The following SCAF8 variants were observed in gnomAD, a reference collection of about 807,000 sequenced individuals.
SCAF8 encodes the protein SR-related CTD associated factor 8, also known as SR-related and CTD-associated factor 8.
A neutral mutation model predicts 140.5 loss-of-function variants in SCAF8; 23 were observed. That is an observed-to-expected ratio of 0.16 (90% CI 0.12 to 0.23). The LOEUF (loss-of-function observed/expected upper bound fraction) is 0.23. Ranked by LOEUF, SCAF8 falls within the 10% of genes least tolerant of loss-of-function variation. The pLI, the probability that SCAF8 is intolerant of heterozygous loss-of-function variation, is 1.00. For missense variants in SCAF8, 1,397 were observed against 1,555.7 expected (o/e 0.90, Z 1.72); for synonymous variants, 575 against 528.9 (o/e 1.09, Z -1.20).
chr6:154,792,174 A>G (rs148800606), intron 4 of SCAF8, among the ~76,000 whole-genome samples: 81 of 152,272 alleles, frequency 5.3e-4, no homozygotes, highest in African/African-American at 1.9e-3. Flanking sequence ...TAAAGAATAA[A>G]GAAGAGGGAA....
At chr6:154,772,617 A>T (rs1426780876) in intron 1 of SCAF8, among the ~76,000 whole-genome samples, 1 of 152,086 alleles carries the variant, frequency 6.6e-6, no homozygotes, top group African/African-American at 2.4e-5. Flanking sequence ...TGAACCCAGG[A>T]GGTAGAGGCT....
intron 4 of SCAF8, among the ~76,000 whole-genome samples, chr6:154,791,593 T>G (rs1457776186): frequency 6.6e-6 from 1 of 152,092 alleles, no homozygotes; most frequent in Non-Finnish European, 1.5e-5. Context: ...CGAGAATCCT[T>G]CTGGTATACT....
rs1231526983 is a variant in SCAF8 at position 154,733,824 on chromosome 6, C to G, written c.-77C>G. The G allele has an allele frequency of 6.7e-7, 1 of 1,495,826 alleles. No individual in the cohort carries two copies. Among genetic ancestry groups the G allele is most frequent in the Non-Finnish European group, 8.9e-7 (1 of 1,127,150 alleles). 92.7% of individuals were successfully genotyped at this position (1,495,826 alleles called of 1,614,324 possible). A position where few individuals can be genotyped will look rare whatever the true frequency, so the allele number is the denominator to read the frequency against. Reference sequence around the variant, plus strand: ...CCCTCCTCGCGGCCACGCAGCAGCCCGCGTCTCGCTCTCCCCACCCAGTGC... The same window carrying G: ...CCCTCCTCGCGGCCACGCAGCAGCCGGCGTCTCGCTCTCCCCACCCAGTGC... On this transcript the variant is annotated 5_prime_UTR_variant, in exon 1 of 20. Coordinates refer to ENST00000367178, the MANE Select transcript of SCAF8 (RefSeq NM_014892.5).
chr6:154,798,853 G>A (rs543698973), intron 6 of SCAF8, among the ~76,000 whole-genome samples: 1 of 151,458 alleles, frequency 6.6e-6, no homozygotes, highest in Non-Finnish European at 1.5e-5. Flanking sequence ...AGACTGGAGT[G>A]CAGTGGTGCA....
At chr6:154,822,440 T>C (rs767405534) in intron 16 of SCAF8, 31 bp downstream of exon 16, 1 of 1,572,802 alleles carries the variant, frequency 6.4e-7, no homozygotes, top group Non-Finnish European at 8.6e-7. Context: ...TTTTTTTTCT[T>C]GTGTTGTTTT....
At position 154,774,011 on chromosome 6, in the gene SCAF8, A is replaced by G. The variant is rs1025081619; in HGVS notation, c.53A>G (p.Lys18Arg). Residue 18 changes from lysine (K) to arginine (R), a missense_variant, in exon 2 of 20, where the codon AAA (lysine) becomes AGA (arginine). Physicochemically the swap from Lys to Arg is conservative, Grantham distance 26. Around this residue, in one of 5 missense-constraint regions of SCAF8, gnomAD observed 26 missense variants for 20.9 expected, o/e 1.25. Coordinates refer to ENST00000367178, the MANE Select transcript of SCAF8 (RefSeq NM_014892.5). ...NSELYSLNDY[K>R]PPISKAKMTQ... ...CAGTTGTATTCCCTGAATGACTATA[A>G]ACCACCCATTTCGAAAGCGAAAATG... The G allele has an allele frequency of 3.1e-6, 5 of 1,612,812 alleles. No homozygotes were observed. The African/African-American group carries it at 6.7e-5, about 22-fold the overall frequency.
chr6:154,734,009 G>A, intron 1 of SCAF8, 79 bp downstream of exon 1: 1 of 1,432,850 alleles, frequency 7.0e-7, no homozygotes, highest in Non-Finnish European at 9.2e-7. Flanking sequence ...CGGAGGGTGG[G>A]CGCGGGCCTG....
intron 2 of SCAF8, among the ~76,000 whole-genome samples, chr6:154,777,545 C>T (rs1425928724): frequency 2.0e-5 from 3 of 152,116 alleles, no homozygotes; most frequent in African/African-American, 4.8e-5. Flanking sequence ...AGAAAACTAC[C>T]TTACATACAT....
chr6:154,763,635 A>G (rs1261182964), intron 1 of SCAF8, among the ~76,000 whole-genome samples: 1 of 152,174 alleles, frequency 6.6e-6, no homozygotes, highest in African/African-American at 2.4e-5. Flanking sequence ...GCATGAAGGT[A>G]CAACATTTTG....
At chr6:154,824,121 T>G in intron 16 of SCAF8, 113 bp from the exon 17 acceptor site, 1 of 1,079,040 alleles carries the variant, frequency 9.3e-7, no homozygotes, top group Non-Finnish European at 1.4e-6. Flanking sequence ...ATAAAACCCT[T>G]TTTAGTAGTA....
At chr6:154,822,160 A>G (rs1778437724) in intron 15 of SCAF8, 116 bp from the exon 16 acceptor site, 6 of 1,068,702 alleles carry the variant, frequency 5.6e-6, no homozygotes, top group Non-Finnish European at 7.9e-6. Context: ...TTGTGGATAT[A>G]TCTTAAAGAT....
chr6:154,775,323 G>A (rs954091702), intron 2 of SCAF8, among the ~76,000 whole-genome samples: 1 of 152,130 alleles, frequency 6.6e-6, no homozygotes, highest in Non-Finnish European at 1.5e-5. Context: ...GATTTGATAG[G>A]CTCATTGTGG....
At chr6:154,749,124 T>G (rs1778778170) in intron 1 of SCAF8, among the ~76,000 whole-genome samples, 1 of 152,130 alleles carries the variant, frequency 6.6e-6, no homozygotes. Context: ...GTATTTTTAG[T>G]AGAGATGGAG....
In SCAF8 at chr6:154,832,192, G is replaced by C. The variant is rs542469468; in HGVS notation, c.2613G>C (p.Val871=). ...SVSNSSGLLG[V]LPPNIPNNSG... ...CAAATAGTTCTGGACTTTTGGGAGT[G>C]CTACCCCCAAATATACCTAACAATT... The change falls in exon 20 of 20, where the codon GTG becomes GTC. Residue 871 remains valine, a synonymous_variant. Transcript: ENST00000367178. 2 of 1,614,010 alleles carry C rather than the reference G, an allele frequency of 1.2e-6. No individual in the cohort carries two copies. The highest frequency in any genetic ancestry group is 1.3e-5 in the African/African-American group (1 of 74,998).
intron 13 of SCAF8, among the ~76,000 whole-genome samples, chr6:154,816,324 A>G (rs1778247385): frequency 1.3e-5 from 2 of 152,200 alleles, no homozygotes; most frequent in African/African-American, 2.4e-5. Context: ...TAAGAAAATC[A>G]GTATGGCCAG....
At chr6:154,826,994 T>G (rs1349248836) in intron 17 of SCAF8, among the ~76,000 whole-genome samples, 178 bp from the exon 18 acceptor site, 1 of 152,150 alleles carries the variant, frequency 6.6e-6, no homozygotes, top group Admixed American at 6.5e-5. Context: ...CCTAGCTTAT[T>G]AGGGATCAAA....
chr6:154,776,800 A>G (rs1776929541), intron 2 of SCAF8, among the ~76,000 whole-genome samples: 1 of 152,196 alleles, frequency 6.6e-6, no homozygotes, highest in African/African-American at 2.4e-5. Flanking sequence ...TATTATAAAT[A>G]CTGGATTTAG....
chr6:154,755,894 C>G lies in SCAF8; in HGVS notation c.31-18095C>G, dbSNP rs139983739. Among the ~76,000 whole-genome samples the G allele has an allele frequency of 3.0e-4, 46 of 152,294 alleles. No homozygotes were observed. In the East Asian group the frequency reaches 8.7e-3, roughly 29 times the overall value. On this transcript the variant is annotated intron_variant, in intron 1 of 19. Coordinates refer to ENST00000367178, the MANE Select transcript of SCAF8 (RefSeq NM_014892.5). ...CATTTCCATTGGGAAATAGCCACCT[C>G]TTAGCTTTTTGTAAATCACTGTAAA...
intron 3 of SCAF8, among the ~76,000 whole-genome samples, chr6:154,780,106 T>C (rs1269023397): frequency 6.6e-6 from 1 of 152,190 alleles, no homozygotes; most frequent in Admixed American, 6.5e-5. Context: ...GAACAGTTCC[T>C]TCACCACTAG....
Sources: allele counts gnomAD v4.1 joint callset (sites outside exome capture counted in the v4.1 genomes callset), GRCh38; gene constraint gnomAD v4.1.1; regional missense constraint gnomAD v4.1.1; transcripts MANE v1.5; gene names NCBI Gene and HGNC (gene_info 2026-07-23, HGNC 2026-07-21).